The following ITGAL variants were observed in gnomAD, a reference collection of about 807,000 sequenced individuals.
ITGAL encodes integrin subunit alpha L.
ITGAL carries 68 observed loss-of-function variants against 138.4 expected under a neutral mutation model. The ratio of observed to expected loss-of-function variants is 0.49; its 90% CI spans 0.40 to 0.60. The LOEUF (loss-of-function observed/expected upper bound fraction) is 0.60, where lower values mean the gene tolerates loss of function less well. Ranked by LOEUF, ITGAL falls within the 20% of genes least tolerant of loss-of-function variation. The probability of loss-of-function intolerance (pLI) is 0.00; values close to 1 mark genes in which losing one functional copy is unlikely to be tolerated. For missense variants in ITGAL, 1,256 were observed against 1,478.6 expected (o/e 0.85, Z 2.47); for synonymous variants, 561 against 584.3 (o/e 0.96, Z 0.57).
intron 17 of ITGAL, among the ~76,000 whole-genome samples, chr16:30,499,945 C>T (rs1300117881): frequency 6.7e-6 from 1 of 149,506 alleles, no homozygotes; most frequent in Non-Finnish European, 1.5e-5. Context: ...GATAGGGTTT[C>T]ACCATGTTAG....
In ITGAL at chr16:30,472,757, C is replaced by T; in HGVS notation, c.-81C>T. ...AAAGGGCATGATCATTTTCCTCTTTCACCCTGTCTAGGTTGCCAGCAAATC... is the reference window on the plus strand; with the variant it reads ...AAAGGGCATGATCATTTTCCTCTTTTACCCTGTCTAGGTTGCCAGCAAATC... On this transcript the variant is annotated 5_prime_UTR_variant, in exon 1 of 31. Coordinates refer to ENST00000356798, the MANE Select transcript of ITGAL (RefSeq NM_002209.3). 3.9e-6 allele frequency: 5 copies of T among 1,280,924 alleles called. No homozygotes were observed. Among genetic ancestry groups the T allele is most frequent in the Non-Finnish European group, 5.6e-6 (5 of 890,202 alleles). 79.3% of individuals were successfully genotyped at this position (1,280,924 alleles called of 1,614,324 possible).
intron 4 of ITGAL, among the ~76,000 whole-genome samples, chr16:30,477,862 G>T (rs2050493340): frequency 6.6e-6 from 1 of 151,792 alleles, no homozygotes; most frequent in Non-Finnish European, 1.5e-5. Flanking sequence ...CTCCAGCCTG[G>T]GTGATGGGAG....
chr16:30,476,470 T>A (rs2050473662), intron 4 of ITGAL, among the ~76,000 whole-genome samples: 1 of 152,098 alleles, frequency 6.6e-6, no homozygotes, highest in South Asian at 2.1e-4. Flanking sequence ...TAGAAAAAAA[T>A]ATATGACAAG....
Position 30,472,751 on chromosome 16 carries a change from C to T in ITGAL, c.-87C>T, listed in dbSNP as rs2050411933. The T allele has an allele frequency of 2.5e-6, 3 of 1,218,464 alleles. No individual in the cohort carries two copies. The East Asian group carries it at 7.1e-5, about 29-fold the overall frequency. The allele number at this position is 1,218,464 out of a possible 1,614,324, so 75.5% of individuals were successfully genotyped here. Reference sequence around the variant, plus strand: ...GAGGCCAAAGGGCATGATCATTTTCCTCTTTCACCCTGTCTAGGTTGCCAG... The same window carrying T: ...GAGGCCAAAGGGCATGATCATTTTCTTCTTTCACCCTGTCTAGGTTGCCAG... On this transcript the variant is annotated 5_prime_UTR_variant, in exon 1 of 31. Coordinates refer to ENST00000356798, the MANE Select transcript of ITGAL (RefSeq NM_002209.3).
Position 30,494,629 on chromosome 16 carries a change from C to T in ITGAL, c.1366-84C>T. 6 of 1,459,334 alleles carry T rather than the reference C, an allele frequency of 4.1e-6. No homozygotes were observed. Among genetic ancestry groups the T allele is most frequent in the Non-Finnish European group, 5.5e-6 (6 of 1,087,846 alleles). 90.4% of individuals were successfully genotyped at this position (1,459,334 alleles called of 1,614,324 possible). A position where few individuals can be genotyped will look rare whatever the true frequency, so the allele number is the denominator to read the frequency against. ...GGAACCTGCATTTGAGGGAGTGGCA[C>T]AAGATGAACACGGTACAGGTATCTC... On this transcript the variant is annotated intron_variant, in intron 12 of 30. Transcript: ENST00000356798. This position sits in a 1 kb window ranked among gnomAD's most constrained non-coding sequence, Gnocchi z 4.2.
Position 30,494,134 on chromosome 16 carries a change from G to C in ITGAL, c.1214-78G>C. The stretch of plus-strand genomic sequence containing the variant: ...TCTCTGCTACTAACCCAATTCCCTG[G>C]GGCCCCTGCCCCTCTCCTGCTGGGT... On this transcript the variant is annotated intron_variant, in intron 11 of 30. Coordinates refer to ENST00000356798, the MANE Select transcript of ITGAL (RefSeq NM_002209.3). The surrounding 1 kb of genome is among the most constrained non-coding windows in gnomAD (Gnocchi z 4.2). 7.3e-7 allele frequency: 1 copy of C among 1,369,298 alleles called. No homozygotes were observed. Among genetic ancestry groups the C allele is most frequent in the Non-Finnish European group, 9.9e-7 (1 of 1,006,164 alleles). The allele number at this position is 1,369,298 out of a possible 1,614,324, so 84.8% of individuals were successfully genotyped here.
chr16:30,519,114 T>C (rs1430359189), intron 29 of ITGAL, among the ~76,000 whole-genome samples: 1 of 151,944 alleles, frequency 6.6e-6, no homozygotes, highest in Admixed American at 6.6e-5. Flanking sequence ...TCCCAGCTGT[T>C]CGGGAGGCTG....
intron 18 of ITGAL, 167 bp from the exon 19 acceptor site, chr16:30,505,077 T>C (rs2050966217): frequency 6.0e-6 from 3 of 498,462 alleles, no homozygotes; most frequent in Non-Finnish European, 1.1e-5. Flanking sequence ...GGCAGTAGGC[T>C]GAGGCAGCAG....
At chr16:30,516,825 G>A in intron 25 of ITGAL, 148 bp from the exon 26 acceptor site, 1 of 687,780 alleles carries the variant, frequency 1.5e-6, no homozygotes, top group South Asian at 1.6e-5. Flanking sequence ...AGCTGGCCAT[G>A]CCCAGTCACT....
intron 15 of ITGAL, among the ~76,000 whole-genome samples, chr16:30,497,795 T>C (rs551210309): frequency 6.6e-6 from 1 of 151,210 alleles, no homozygotes; most frequent in South Asian, 2.1e-4. Flanking sequence ...TTTTTTTTTT[T>C]AATTGGCCAG....
intron 5 of ITGAL, 55 bp downstream of exon 5, chr16:30,479,263 G>A: frequency 1.2e-6 from 2 of 1,613,102 alleles, no homozygotes; most frequent in South Asian, 1.1e-5. Context: ...TGTCCCTAGA[G>A]AGAACCAGCA....
chr16:30,501,916 C>A (rs962251056), intron 17 of ITGAL, among the ~76,000 whole-genome samples: 1 of 151,842 alleles, frequency 6.6e-6, no homozygotes, highest in Non-Finnish European at 1.5e-5. Flanking sequence ...ACCTGTAGTC[C>A]CAGCTACCTG....
At chr16:30,479,596 G>T in intron 6 of ITGAL, 135 bp downstream of exon 6, 1 of 723,292 alleles carries the variant, frequency 1.4e-6, no homozygotes, top group Non-Finnish European at 2.2e-6. Context: ...CTCTGGAAGG[G>T]ACAAGAACCA....
intron 15 of ITGAL, among the ~76,000 whole-genome samples, chr16:30,497,172 G>A (rs1472115844): frequency 6.6e-6 from 1 of 151,998 alleles, no homozygotes; most frequent in East Asian, 1.9e-4. Flanking sequence ...GTGAAACCCT[G>A]TCTCTACTAA....
In ITGAL at chr16:30,474,279, G is replaced by A. The variant is rs1273830278; in HGVS notation, c.145G>A (p.Val49Ile). The change falls in exon 2 of 31, where the codon GTC becomes ATC. Residue 49 changes from valine to isoleucine, a missense_variant. Around this residue, in one of 3 missense-constraint regions of ITGAL, gnomAD observed 212 missense variants for 217.4 expected, o/e 0.98. Coordinates refer to ENST00000356798, the MANE Select transcript of ITGAL (RefSeq NM_002209.3). ...CGCCGGGAGGCACTTTGGATACCGC[G>A]TCCTGCAGGTCGGAAACGGGTGAGC... ...PRAGRHFGYR[V>I]LQVGNGVIVG... 3 of 1,606,658 alleles carry A rather than the reference G, an allele frequency of 1.9e-6. No homozygotes were observed. Among genetic ancestry groups the A allele is most frequent in the African/African-American group, 1.3e-5 (1 of 74,810 alleles).
chr16:30,479,857 G>A (rs570183050), intron 6 of ITGAL, among the ~76,000 whole-genome samples: 12 of 151,868 alleles, frequency 7.9e-5, no homozygotes, highest in Non-Finnish European at 1.5e-4. Context: ...TCACCATGTT[G>A]CCAGGCTGGT....
At chr16:30,507,058 C>T (rs2051012054) in intron 21 of ITGAL, among the ~76,000 whole-genome samples, 1 of 152,188 alleles carries the variant, frequency 6.6e-6, no homozygotes, top group African/African-American at 2.4e-5. Context: ...TGCGGTGGCT[C>T]ACAACTGTAA....
chr16:30,518,544 A>C (rs2051205119), intron 28 of ITGAL, 80 bp from the exon 29 acceptor site: 1 of 903,250 alleles, frequency 1.1e-6, no homozygotes, highest in South Asian at 1.3e-5. Flanking sequence ...GCCCCTCCCC[A>C]CTGTGTTGTG....
chr16:30,490,862 T>G (rs766840380), intron 11 of ITGAL, among the ~76,000 whole-genome samples: 2 of 151,050 alleles, frequency 1.3e-5, no homozygotes, highest in African/African-American at 2.4e-5. Flanking sequence ...CCCAGCTACT[T>G]GGGAGGCTGA....
Sources: allele counts gnomAD v4.1 joint callset (sites outside exome capture counted in the v4.1 genomes callset), GRCh38; gene constraint gnomAD v4.1.1; regional missense constraint gnomAD v4.1.1; non-coding constraint Gnocchi (gnomAD v3.1); transcripts MANE v1.5; gene names NCBI Gene and HGNC (gene_info 2026-07-23, HGNC 2026-07-21).